Variants in ROS1 observed in about 807,000 individuals in gnomAD.
ROS1 encodes the protein ROS proto-oncogene 1, receptor tyrosine kinase, also known as proto-oncogene tyrosine-protein kinase ROS.
In ROS1, 263 loss-of-function variants were observed where a neutral mutation model predicts 273.5. The observed-to-expected ratio is 0.96, with a 90% CI of 0.87 to 1.06. The LOEUF (loss-of-function observed/expected upper bound fraction) is 1.06. ROS1 is among the 50% of genes least tolerant of loss of function. ROS1 has a pLI of 0.00. For missense variants in ROS1, 2,833 were observed against 2,751.1 expected (o/e 1.03, Z -0.67); for synonymous variants, 1,008 against 954.1 (o/e 1.06, Z -1.04).
At chr6:117,340,089 T>C (rs1271511384) in intron 31 of ROS1, among the ~76,000 whole-genome samples, 3 of 152,200 alleles carry the variant, frequency 2.0e-5, no homozygotes, top group African/African-American at 7.2e-5. Context: ...TTAAGTTTAC[T>C]AAAATAGATG....
At chr6:117,393,946 T>C (rs561939325) in intron 11 of ROS1, among the ~76,000 whole-genome samples, 245 of 152,216 alleles carry the variant, frequency 1.6e-3, no homozygotes, top group African/African-American at 5.7e-3. Flanking sequence ...AAAGTACAAA[T>C]AAAGGTGATT....
At chr6:117,292,836 C>T (rs1307525291) in intron 43 of ROS1, among the ~76,000 whole-genome samples, 2 of 152,180 alleles carry the variant, frequency 1.3e-5, no homozygotes. Flanking sequence ...ATAGCATCTA[C>T]CTCTGTGGTA....
intron 17 of ROS1, among the ~76,000 whole-genome samples, chr6:117,382,051 A>G (rs1479412252): frequency 6.6e-6 from 1 of 152,192 alleles, no homozygotes; most frequent in Non-Finnish European, 1.5e-5. Context: ...AAAGTCCCTG[A>G]GGTGGAGAAG....
At chr6:117,421,121 G>T (rs1414395777) in intron 1 of ROS1, among the ~76,000 whole-genome samples, 1 of 149,884 alleles carries the variant, frequency 6.7e-6, no homozygotes, top group African/African-American at 2.4e-5. Context: ...TGTGGTTGCT[G>T]TGAGGTTGAA....
At chr6:117,324,468 C>A (rs2128575401) in intron 34 of ROS1, 53 bp from the exon 35 acceptor site, 1 of 857,298 alleles carries the variant, frequency 1.2e-6, no homozygotes, top group Non-Finnish European at 1.9e-6. Flanking sequence ...AGCTAAGTTG[C>A]CCCAGCTCTA....
chr6:117,366,950 A>G (rs1385756818), intron 18 of ROS1, among the ~76,000 whole-genome samples: 1 of 152,218 alleles, frequency 6.6e-6, no homozygotes, highest in East Asian at 1.9e-4. Context: ...ATTAGTTCAG[A>G]GATTACATCT....
intron 26 of ROS1, 111 bp from the exon 27 acceptor site, chr6:117,353,277 T>C (rs1779032625): frequency 2.8e-6 from 2 of 719,066 alleles, no homozygotes; most frequent in Admixed American, 6.4e-5. Context: ...TTTGAATCTA[T>C]TATTTCAACA....
intron 1 of ROS1, among the ~76,000 whole-genome samples, chr6:117,420,900 C>T (rs1775702777): frequency 6.8e-6 from 1 of 147,808 alleles, no homozygotes; most frequent in African/African-American, 2.5e-5. Context: ...ATAATATCCT[C>T]AGATAAATTT....
At chr6:117,411,253 C>A (rs1035375389) in intron 4 of ROS1, among the ~76,000 whole-genome samples, 16 of 147,824 alleles carry the variant, frequency 1.1e-4, no homozygotes, top group African/African-American at 3.7e-4. Flanking sequence ...TTCTCTCTCT[C>A]CCTCCCTCCC....
chr6:117,318,585 C>T (rs777412238), intron 37 of ROS1, among the ~76,000 whole-genome samples: 28 of 152,026 alleles, frequency 1.8e-4, no homozygotes, highest in Non-Finnish European at 2.6e-4. Context: ...TCCTTGCTTT[C>T]GATTTATTTC....
chr6:117,293,781 C>A (rs1415344534), intron 43 of ROS1, among the ~76,000 whole-genome samples: 1 of 151,982 alleles, frequency 6.6e-6, no homozygotes, highest in Non-Finnish European at 1.5e-5. Flanking sequence ...TTAATAAAGT[C>A]TATAAAATTA....
rs1051838065 is a variant in ROS1, at chr6:117,334,323, C to T, written c.5230+2849G>A. Among the ~76,000 whole-genome samples, 3 of 152,080 alleles carry T rather than the reference C, an allele frequency of 2.0e-5. No homozygotes were observed. In the South Asian group the frequency reaches 6.2e-4, roughly 32 times the overall value. Reference sequence around the variant, plus strand: ...GGACCTCTTCAAGGAAAACTACAAACCATTGCTCAAGGAAATAAGAAAGGA... The same window carrying T: ...GGACCTCTTCAAGGAAAACTACAAATCATTGCTCAAGGAAATAAGAAAGGA... On this transcript the variant is annotated intron_variant, in intron 32 of 43. Transcript: ENST00000368507.
At chr6:117,330,809 A>G (rs1041140536) in intron 32 of ROS1, among the ~76,000 whole-genome samples, 5 of 152,136 alleles carry the variant, frequency 3.3e-5, no homozygotes, top group African/African-American at 1.2e-4. Flanking sequence ...AACAACAACA[A>G]GGGCCCCCAC....
chr6:117,324,323 T>C lies in ROS1; in HGVS notation c.5623+9A>G, dbSNP rs952678044. On this transcript the variant is annotated intron_variant, in intron 35 of 43. Coordinates refer to ENST00000368507, the MANE Select transcript of ROS1 (RefSeq NM_001378902.1). ...TTGTTGCCTATTTTAAAAATTCTATTATACTTACCAAAGGTCAGTGGGATT... is the reference window on the plus strand; with the variant it reads ...TTGTTGCCTATTTTAAAAATTCTATCATACTTACCAAAGGTCAGTGGGATT... The C allele has an allele frequency of 7.4e-7, 1 of 1,346,174 alleles. No homozygotes were observed. Among genetic ancestry groups the C allele is most frequent in the Non-Finnish European group, 1.1e-6 (1 of 949,560 alleles). The allele number at this position is 1,346,174 out of a possible 1,614,324, so 83.4% of individuals were successfully genotyped here.
chr6:117,363,421 A>G (rs372736089), intron 21 of ROS1, among the ~76,000 whole-genome samples: 126 of 152,246 alleles, frequency 8.3e-4, no homozygotes, highest in African/African-American at 2.7e-3. Flanking sequence ...TTCTAGAGCC[A>G]AACCAAGCAA....
intron 3 of ROS1, among the ~76,000 whole-genome samples, chr6:117,415,285 AT>A (rs1179297564): frequency 2.0e-5 from 3 of 152,278 alleles, no homozygotes; most frequent in African/African-American, 7.2e-5. Flanking sequence ...GGTAACTGCT[AT>A]AATAGAACTT....
intron 27 of ROS1, among the ~76,000 whole-genome samples, chr6:117,352,385 G>A (rs191125970): frequency 1.4e-4 from 22 of 152,224 alleles, no homozygotes; most frequent in Admixed American, 1.4e-3. Flanking sequence ...TCATTGCACT[G>A]TACAAATCAC....
chr6:117,317,389 G>A, intron 38 of ROS1, 117 bp from the exon 39 acceptor site: 1 of 1,207,308 alleles, frequency 8.3e-7, no homozygotes, highest in South Asian at 1.6e-5. Context: ...CCCTGACTTA[G>A]TGTCTCTAAC....
chr6:117,362,521 A>C, intron 22 of ROS1, 82 bp downstream of exon 22: 1 of 1,350,584 alleles, frequency 7.4e-7, no homozygotes, highest in Non-Finnish European at 1.0e-6. Flanking sequence ...TTACACTGTA[A>C]CATATCCCAG....
Sources: allele counts gnomAD v4.1 joint callset (sites outside exome capture counted in the v4.1 genomes callset), GRCh38; gene constraint gnomAD v4.1.1; transcripts MANE v1.5; gene names NCBI Gene and HGNC (gene_info 2026-07-23, HGNC 2026-07-21).